The following RBFOX1 variants were observed in gnomAD, a reference collection of about 807,000 sequenced individuals.
RBFOX1 encodes RNA binding fox-1 homolog 1.
Under a neutral mutation model 57.7 loss-of-function variants are expected in RBFOX1, and 8 were observed. The ratio of observed to expected loss-of-function variants is 0.14; its 90% CI spans 0.08 to 0.25. RBFOX1 has a LOEUF of 0.25. Among genes scored for constraint, RBFOX1 ranks in the 10% least tolerant of loss-of-function variants. The probability of loss-of-function intolerance (pLI) is 1.00; values close to 1 mark genes in which losing one functional copy is unlikely to be tolerated. For synonymous variants in RBFOX1, 326 were observed against 222.4 expected (o/e 1.47, Z -4.15); for missense variants, 611 against 548.5 (o/e 1.11, Z -1.14).
At chr16:7,066,992 G>T (rs1047452087) in intron 4 of RBFOX1, among the ~76,000 whole-genome samples, 4 of 152,148 alleles carry the variant, frequency 2.6e-5, no homozygotes, top group Middle Eastern at 3.2e-3. Flanking sequence ...GCCTCTTTAT[G>T]CTCCTAACAA....
At chr16:7,217,039 C>CT (rs2092203934) in intron 4 of RBFOX1, among the ~76,000 whole-genome samples, 1 of 113,308 alleles carries the variant, frequency 8.8e-6, no homozygotes, top group African/African-American at 3.4e-5. Context: ...CTCCCTCCCT[C>CT]CCTCCCTCCC....
chr16:6,946,452 G>A (rs1297369205), intron 3 of RBFOX1, among the ~76,000 whole-genome samples: 1 of 152,174 alleles, frequency 6.6e-6, no homozygotes, highest in Middle Eastern at 3.2e-3. Flanking sequence ...TACCCACTAT[G>A]GTAACTGGCT....
intron 14 of RBFOX1, among the ~76,000 whole-genome samples, chr16:7,681,314 C>G (rs1315035541): frequency 1.3e-5 from 2 of 152,046 alleles, no homozygotes; most frequent in African/African-American, 4.8e-5. Flanking sequence ...AGGAAGGGAC[C>G]ATCTTTCTGC....
chr16:6,721,123 T>C (rs180848227), intron 3 of RBFOX1, among the ~76,000 whole-genome samples: 64 of 150,998 alleles, frequency 4.2e-4, no homozygotes, highest in Non-Finnish European at 4.4e-4. Flanking sequence ...AAAAATGTAA[T>C]TGTGGTAAAG....
At chr16:6,791,161 C>T (rs577622065) in intron 3 of RBFOX1, among the ~76,000 whole-genome samples, 2 of 152,132 alleles carry the variant, frequency 1.3e-5, no homozygotes, top group African/African-American at 2.4e-5. Flanking sequence ...CCCGCCTCAG[C>T]CTCCCAAAGT....
At chr16:7,035,959 A>G (rs900703792) in intron 3 of RBFOX1, among the ~76,000 whole-genome samples, 1 of 152,296 alleles carries the variant, frequency 6.6e-6, no homozygotes, top group African/African-American at 2.4e-5. Context: ...ACTGAACTGG[A>G]AAATTAGAAA....
chr16:7,330,700 T>C (rs1383121674), intron 4 of RBFOX1, among the ~76,000 whole-genome samples: 10 of 152,024 alleles, frequency 6.6e-5, no homozygotes, highest in Non-Finnish European at 1.5e-4. Flanking sequence ...AAGCTGTAAA[T>C]TTGTTGCCTG....
chr16:6,331,229 C>A (rs367664897), intron 2 of RBFOX1, among the ~76,000 whole-genome samples: 2 of 151,978 alleles, frequency 1.3e-5, no homozygotes, highest in Admixed American at 1.3e-4. Context: ...GGCAGGTGGA[C>A]GTGGTCAGGA....
intron 4 of RBFOX1, among the ~76,000 whole-genome samples, chr16:7,185,424 C>T (rs2141903): frequency 0.29 from 43,987 of 151,974 alleles, 7,779 homozygotes; most frequent in African/African-American, 0.49. Flanking sequence ...GGCCATTGGA[C>T]GCCATGGTTT....
At chr16:6,621,234 G>T (rs748757019) in intron 2 of RBFOX1, among the ~76,000 whole-genome samples, 1 of 152,184 alleles carries the variant, frequency 6.6e-6, no homozygotes, top group Non-Finnish European at 1.5e-5. Context: ...GGCCTAGGCC[G>T]GCGGATCACA....
intron 4 of RBFOX1, among the ~76,000 whole-genome samples, chr16:7,167,342 G>T (rs1034889078): frequency 2.6e-5 from 4 of 151,806 alleles, no homozygotes; most frequent in Non-Finnish European, 5.9e-5. Flanking sequence ...AAATCATCCT[G>T]GACTTAGAGT....
chr16:5,913,901 A>T (rs547229800), intron 4 of RBFOX1, among the ~76,000 whole-genome samples: 1 of 152,364 alleles, frequency 6.6e-6, no homozygotes, highest in South Asian at 2.1e-4. Flanking sequence ...CTTTACACCA[A>T]CGCTAAGAGG....
At chr16:7,077,186 C>T (rs999551070) in intron 4 of RBFOX1, among the ~76,000 whole-genome samples, 4 of 152,174 alleles carry the variant, frequency 2.6e-5, no homozygotes, top group South Asian at 2.1e-4. Flanking sequence ...TTCCCAGCTG[C>T]GCACATAATG....
At chr16:7,005,484 A>C (rs2093216429) in intron 3 of RBFOX1, among the ~76,000 whole-genome samples, 1 of 152,210 alleles carries the variant, frequency 6.6e-6, no homozygotes, top group Non-Finnish European at 1.5e-5. Context: ...GGGGAGAAGG[A>C]ACCCAGTAAT....
chr16:6,272,164 C>G (rs930636415), intron 1 of RBFOX1, among the ~76,000 whole-genome samples: 1 of 152,142 alleles, frequency 6.6e-6, no homozygotes, highest in Non-Finnish European at 1.5e-5. Context: ...TCAATGTAAT[C>G]TACCCTACCA....
intron 2 of RBFOX1, among the ~76,000 whole-genome samples, chr16:6,576,546 C>G (rs545604606): frequency 2.0e-5 from 3 of 152,150 alleles, no homozygotes; most frequent in Non-Finnish European, 2.9e-5. Context: ...ATGGCTCACC[C>G]TCCTATTTTC....
rs554864303 is a variant in RBFOX1, at chr16:6,053,696, A to T, written c.-127+33704A>T. Among the ~76,000 whole-genome samples, 3 of 152,238 alleles carry T rather than the reference A, an allele frequency of 2.0e-5. No individual in the cohort carries two copies. In the East Asian group the frequency reaches 5.8e-4, roughly 29 times the overall value. On this transcript the variant is annotated intron_variant, in intron 1 of 15. Transcript: ENST00000550418. ...TAATCTTTCCCTACGTACATAAGAG[A>T]TCTTCAGGTCTTAAATGGCATTTCC...
chr16:7,615,677 G>T (rs758336097), intron 10 of RBFOX1, among the ~76,000 whole-genome samples: 1 of 152,050 alleles, frequency 6.6e-6, no homozygotes, highest in South Asian at 2.1e-4. Flanking sequence ...GGGGAATTTG[G>T]CAATTTCTGG....
intron 4 of RBFOX1, among the ~76,000 whole-genome samples, chr16:7,164,207 C>T (rs982221264): frequency 1.3e-5 from 2 of 152,118 alleles, no homozygotes; most frequent in African/African-American, 4.8e-5. Flanking sequence ...TGAGTGAGAA[C>T]ATATGATGTT....
Sources: allele counts gnomAD v4.1 joint callset (sites outside exome capture counted in the v4.1 genomes callset), GRCh38; gene constraint gnomAD v4.1.1; transcripts MANE v1.5; gene names NCBI Gene and HGNC (gene_info 2026-07-23, HGNC 2026-07-21).